Variants in MRTFA observed in about 807,000 individuals in gnomAD.
MRTFA encodes the protein myocardin related transcription factor A.
In MRTFA, 20 loss-of-function variants were observed where a neutral mutation model predicts 83.5. That is an observed-to-expected ratio of 0.24 (90% CI 0.17 to 0.35). MRTFA has a LOEUF of 0.35. MRTFA is among the 10% of genes least tolerant of loss of function. The pLI, the probability that MRTFA is intolerant of heterozygous loss-of-function variation, is 1.00. For missense variants in MRTFA, 1,200 were observed against 1,224.7 expected (o/e 0.98, Z 0.30); for synonymous variants, 659 against 541.2 (o/e 1.22, Z -3.02).
intron 3 of MRTFA, among the ~76,000 whole-genome samples, chr22:40,508,802 G>A (rs1451827102): frequency 1.3e-5 from 2 of 148,722 alleles, no homozygotes; most frequent in East Asian, 2.0e-4. Flanking sequence ...AGAATCACTT[G>A]AGCTCAGGAC....
intron 3 of MRTFA, among the ~76,000 whole-genome samples, chr22:40,507,532 G>C (rs1372100946): frequency 4.0e-5 from 6 of 151,314 alleles, no homozygotes; most frequent in Admixed American, 6.6e-5. Flanking sequence ...TGAGGTGGGG[G>C]GATCACTTGA....
In MRTFA at chr22:40,418,737, G is replaced by T; in HGVS notation, c.2001C>A (p.Ala667=). The T allele has an allele frequency of 2.7e-6, 4 of 1,471,838 alleles. No homozygotes were observed. The highest frequency in any genetic ancestry group is 3.6e-6 in the Non-Finnish European group (4 of 1,111,372). 91.2% of individuals were successfully genotyped at this position (1,471,838 alleles called of 1,614,324 possible). A position where few individuals can be genotyped will look rare whatever the true frequency, so the allele number is the denominator to read the frequency against. Residue 667 remains alanine (A), a synonymous_variant, in exon 12 of 15, where the codon GCC becomes GCA. Coordinates refer to ENST00000355630, the MANE Select transcript of MRTFA (RefSeq NM_020831.6). ...TCACGGGGGTGCCGAGGGGGGCGGGGGCGGGGGCGGGCTGCTGGGCTCGCT... is the reference window on the plus strand; with the variant it reads ...TCACGGGGGTGCCGAGGGGGGCGGGTGCGGGGGCGGGCTGCTGGGCTCGCT...
intron 3 of MRTFA, among the ~76,000 whole-genome samples, chr22:40,510,018 T>C (rs971587972): frequency 7.2e-6 from 1 of 139,272 alleles, no homozygotes; most frequent in African/African-American, 2.7e-5. Context: ...TACTGTTTGC[T>C]CTGCCAAGGC....
At position 40,497,303 on chromosome 22, in the gene MRTFA, G is replaced by A. The variant is rs188158785; in HGVS notation, c.242-34017C>T. 8.8e-4 allele frequency among the ~76,000 whole-genome samples: 134 copies of A among 152,298 alleles called. 1 individual carries two copies. The Middle Eastern group carries it at 0.02, about 23-fold the overall frequency. On this transcript the variant is annotated intron_variant, in intron 3 of 14. Coordinates refer to ENST00000355630, the MANE Select transcript of MRTFA (RefSeq NM_020831.6). The stretch of plus-strand genomic sequence containing the variant: ...GGGAAGGGCATTCCAACCAAAGGCA[G>A]AGGAACGCACAAAAGCAAAAGTTAT...
At chr22:40,577,971 C>T (rs560252988) in intron 2 of MRTFA, among the ~76,000 whole-genome samples, 1 of 151,310 alleles carries the variant, frequency 6.6e-6, no homozygotes, top group East Asian at 2.0e-4. Flanking sequence ...TTTTTTCCCC[C>T]GAGACAGAGT....
intron 11 of MRTFA, 121 bp from the exon 12 acceptor site, chr22:40,419,505 C>T: frequency 1.2e-6 from 1 of 852,204 alleles, no homozygotes; most frequent in South Asian, 1.5e-5. Flanking sequence ...CCTAATCCTC[C>T]AGCAGCCTGG....
intron 2 of MRTFA, among the ~76,000 whole-genome samples, chr22:40,581,093 TGA>T (rs2055940267): frequency 6.6e-6 from 1 of 152,164 alleles, no homozygotes; most frequent in South Asian, 2.1e-4. Context: ...ATTACAGGCA[TGA>T]GCCACCATGC....
Position 40,410,674 on chromosome 22 carries a change from G to A in MRTFA, c.*716C>T, listed in dbSNP as rs764774742. ...GATGGGTGGGCCTGGGTAGCTGCAT[G>A]CCAGACTGGGCACCAGACTGTGGCA... On this transcript the variant is annotated 3_prime_UTR_variant, in exon 15 of 15. Transcript: ENST00000355630. 8 of 233,318 alleles carry A rather than the reference G, an allele frequency of 3.4e-5. No individual in the cohort carries two copies. Among genetic ancestry groups the A allele is most frequent in the Non-Finnish European group, 5.9e-5 (7 of 117,946 alleles). The allele number at this position is 233,318 out of a possible 1,614,324, so 14.5% of individuals were successfully genotyped here.
At chr22:40,473,912 A>G (rs1456558397) in intron 3 of MRTFA, among the ~76,000 whole-genome samples, 1 of 152,226 alleles carries the variant, frequency 6.6e-6, no homozygotes, top group Non-Finnish European at 1.5e-5. Flanking sequence ...ATGCATGATT[A>G]AAAGTAGGTG....
chr22:40,502,523 C>T lies in MRTFA; in HGVS notation c.242-39237G>A, dbSNP rs960083523. Among the ~76,000 whole-genome samples, 30 of 143,672 alleles carry T rather than the reference C, an allele frequency of 2.1e-4. 3 individuals carry two copies. The highest frequency in any genetic ancestry group is 1.9e-3 in the Admixed American group (27 of 14,500). The allele number at this position is 143,672 out of a possible 152,430, so 94.3% of individuals were successfully genotyped here. On this transcript the variant is annotated intron_variant, in intron 3 of 14. Transcript: ENST00000355630. ...GTGATGGCGGCTGCGCTCCTCACTT[C>T]CTAGATGGGATGGCGGCCGGGCGGA...
intron 3 of MRTFA, among the ~76,000 whole-genome samples, chr22:40,475,106 T>C (rs1281340825): frequency 6.6e-6 from 1 of 151,896 alleles, no homozygotes; most frequent in Non-Finnish European, 1.5e-5. Context: ...CCCAACGTGC[T>C]GGGATTACAG....
At chr22:40,547,830 G>T (rs2055388717) in intron 3 of MRTFA, among the ~76,000 whole-genome samples, 1 of 150,428 alleles carries the variant, frequency 6.6e-6, no homozygotes, top group African/African-American at 2.5e-5. Context: ...TTCCAGCCTG[G>T]GTGACAGGGC....
rs906686529 is a variant in MRTFA at position 40,577,253 on chromosome 22, A to T, written c.-22+17421T>A. ...CCTTGTCTAAAAAAAAAAAAAAAAA[A>T]AAAATTAAAAAAAAAAGACTATAAT... On this transcript the variant is annotated intron_variant, in intron 2 of 14. Transcript: ENST00000355630. 1.9e-3 allele frequency among the ~76,000 whole-genome samples: 291 copies of T among 151,040 alleles called. 1 individual carries two copies. Among genetic ancestry groups the T allele is most frequent in the Non-Finnish European group, 3.0e-3 (203 of 67,766 alleles).
intron 1 of MRTFA, among the ~76,000 whole-genome samples, chr22:40,618,387 G>A (rs2056480785): frequency 6.6e-6 from 1 of 151,772 alleles, no homozygotes; most frequent in African/African-American, 2.4e-5. Context: ...ACCAGGCCTG[G>A]CCACTTTTTT....
At chr22:40,602,707 C>T (rs2056274593) in intron 1 of MRTFA, among the ~76,000 whole-genome samples, 1 of 151,142 alleles carries the variant, frequency 6.6e-6, no homozygotes, top group Non-Finnish European at 1.5e-5. Context: ...ATTAGCGAGG[C>T]GTGGTGGCAT....
chr22:40,609,426 A>T (rs2056358211), intron 1 of MRTFA, among the ~76,000 whole-genome samples: 1 of 144,156 alleles, frequency 6.9e-6, no homozygotes, highest in South Asian at 2.2e-4. Flanking sequence ...GGCTATGGTG[A>T]GCTAAGACTG....
intron 3 of MRTFA, among the ~76,000 whole-genome samples, chr22:40,493,605 C>G (rs1209918338): frequency 6.6e-6 from 1 of 152,148 alleles, no homozygotes; most frequent in African/African-American, 2.4e-5. Context: ...ACAATTTTTC[C>G]AGCAAGAGCA....
chr22:40,419,407 G>A (rs746668119), intron 11 of MRTFA, 23 bp from the exon 12 acceptor site: 7 of 1,608,252 alleles, frequency 4.4e-6, no homozygotes, highest in East Asian at 2.2e-5. Context: ...CAAGAGTCAG[G>A]GAGGCCAGGG....
intron 2 of MRTFA, among the ~76,000 whole-genome samples, chr22:40,556,179 T>C (rs1020861464): frequency 1.3e-5 from 2 of 152,186 alleles, no homozygotes; most frequent in Non-Finnish European, 2.9e-5. Context: ...AAAAAGACTA[T>C]AGTTTCTGAT....
Sources: gnomAD v4.1 joint callset for allele counts (sites outside exome capture counted in the v4.1 genomes callset) on GRCh38, gnomAD v4.1.1 for gene constraint, MANE v1.5 for transcripts, NCBI Gene and HGNC (gene_info 2026-07-23, HGNC 2026-07-21) for gene names.